The following ALDH1L1 variants were observed in gnomAD, a reference collection of about 807,000 sequenced individuals.
ALDH1L1 encodes aldehyde dehydrogenase 1 family member L1.
In ALDH1L1, 68 loss-of-function variants were observed where a neutral mutation model predicts 101.1. The ratio of observed to expected loss-of-function variants is 0.67; its 90% CI spans 0.55 to 0.82. ALDH1L1 has a LOEUF of 0.82. Ranked by LOEUF, ALDH1L1 falls within the 40% of genes least tolerant of loss-of-function variation. The probability of loss-of-function intolerance (pLI) is 0.00; values close to 1 mark genes in which losing one functional copy is unlikely to be tolerated. For missense variants in ALDH1L1, 1,087 were observed against 1,172.7 expected, an observed-to-expected ratio of 0.93 and a Z score of 1.07; for synonymous variants, 486 against 470.8, an observed-to-expected ratio of 1.03 and a Z score of -0.42.
chr3:126,122,895 G>A (rs1175116924), intron 16 of ALDH1L1, among the ~76,000 whole-genome samples: 1 of 152,124 alleles, frequency 6.6e-6, no homozygotes. Flanking sequence ...AGTACAGCAG[G>A]AGAAACAGAG....
At chr3:126,186,763 G>A (rs956176394) in intron 1 of ALDH1L1, among the ~76,000 whole-genome samples, 4 of 152,212 alleles carry the variant, frequency 2.6e-5, no homozygotes, top group African/African-American at 4.8e-5. Context: ...GTGAAGGGTG[G>A]GGAGTGGACC....
chr3:126,135,471 C>A, intron 12 of ALDH1L1, 64 bp downstream of exon 12: 1 of 1,564,006 alleles, frequency 6.4e-7, no homozygotes, highest in Non-Finnish European at 8.6e-7. Context: ...ACAGAAGTCC[C>A]CCCCGTGCCA....
At position 126,110,083 on chromosome 3, in the gene ALDH1L1, C is replaced by T. The variant is rs756342517; in HGVS notation, c.2208G>A (p.Val736=). The T allele has an allele frequency of 3.7e-6, 6 of 1,614,188 alleles. No individual in the cohort carries two copies. The highest frequency in any genetic ancestry group is 4.2e-6 in the Non-Finnish European group (5 of 1,180,018). ...CGGTGTCCCTGTCCAGCGGGTTGCC[C>T]ACCTTCATCTTCCGCACCTCTTCTA... ...RVVEEVRKMK[V]GNPLDRDTDH... The change falls in exon 20 of 23, where the codon GTG becomes GTA. Residue 736 remains valine (V), a synonymous_variant. Transcript: ENST00000393434.
intron 18 of ALDH1L1, among the ~76,000 whole-genome samples, chr3:126,113,490 A>G (rs2108189918): frequency 6.6e-6 from 1 of 152,250 alleles, no homozygotes; most frequent in African/African-American, 2.4e-5. Context: ...GACCCAGGGG[A>G]GGACGGAGAG....
At position 126,136,687 on chromosome 3, in the gene ALDH1L1, C is replaced by A; in HGVS notation, c.1344+77G>T. The A allele has an allele frequency of 1.9e-6, 3 of 1,540,528 alleles. No homozygotes were observed. In the South Asian group the frequency reaches 3.6e-5, roughly 19 times the overall value. On this transcript the variant is annotated intron_variant, in intron 11 of 22. Coordinates refer to ENST00000393434, the MANE Select transcript of ALDH1L1 (RefSeq NM_012190.4). ...CAGAGACTCTCAGGGTCAGGACCCC[C>A]AGAGGCCAGTGGGGGCAGGGAAGGA...
At chr3:126,181,445 C>A, upstream of ALDH1L1, 1 of 211,436 alleles carries the variant, frequency 4.7e-6, no homozygotes, top group Non-Finnish European at 9.9e-6. Context: ...ACACATCAGG[C>A]TTGCTGCAGC....
At chr3:126,111,777 G>A (rs1425426136) in intron 19 of ALDH1L1, among the ~76,000 whole-genome samples, 2 of 152,102 alleles carry the variant, frequency 1.3e-5, no homozygotes, top group African/African-American at 4.8e-5. Context: ...TGTTTCTCCC[G>A]CATCCCTGCC....
Position 126,134,434 on chromosome 3 carries a change from G to A in ALDH1L1, c.1472+1101C>T, listed in dbSNP as rs377220101. ...GCCAGAGGTTCTCCCGCCACCTGTC[G>A]TGCTTGTTTCACAGCTCTTCCTGAC... On this transcript the variant is annotated intron_variant, in intron 12 of 22. Coordinates refer to ENST00000393434, the MANE Select transcript of ALDH1L1 (RefSeq NM_012190.4). Among the ~76,000 whole-genome samples, 50 of 152,330 alleles carry A rather than the reference G, an allele frequency of 3.3e-4. 1 individual carries two copies. The South Asian group carries it at 8.1e-3, about 25-fold the overall frequency.
Position 126,124,391 on chromosome 3 carries a change from C to T in ALDH1L1, c.1861G>A (p.Gly621Ser), listed in dbSNP as rs759416432. 3 of 1,612,592 alleles carry T rather than the reference C, an allele frequency of 1.9e-6. No individual in the cohort carries two copies. The highest frequency in any genetic ancestry group is 2.5e-6 in the Non-Finnish European group (3 of 1,179,380). Residue 621 changes from glycine to serine, a missense_variant, in exon 16 of 23, where the codon GGT (glycine) becomes AGT (serine). Around this residue, in one of 2 missense-constraint regions of ALDH1L1, gnomAD observed 442 missense variants for 535.7 expected, o/e 0.83. Coordinates refer to ENST00000393434, the MANE Select transcript of ALDH1L1 (RefSeq NM_012190.4). Reference sequence around the variant, plus strand: ...GATCCTGGGAGGACGTTAACCACACCTTTGGGAATGCCGGCCTTTAATGTC... The same window carrying T: ...GATCCTGGGAGGACGTTAACCACACTTTTGGGAATGCCGGCCTTTAATGTC... The part of the protein sequence containing the change: ...ELTLKAGIPK[G>S]VVNVLPGSGS...
intron 1 of ALDH1L1, among the ~76,000 whole-genome samples, chr3:126,177,503 A>G (rs1273539589): frequency 6.6e-6 from 1 of 152,208 alleles, no homozygotes; most frequent in Non-Finnish European, 1.5e-5. Flanking sequence ...GACATTCTGG[A>G]AAAGGCAAAA....
chr3:126,135,410 T>G, intron 12 of ALDH1L1, 125 bp downstream of exon 12: 3 of 1,364,928 alleles, frequency 2.2e-6, no homozygotes, highest in Non-Finnish European at 2.9e-6. Flanking sequence ...ATGGCCTCGG[T>G]CCCATAGCCT....
chr3:126,114,932 C>T, intron 17 of ALDH1L1: 1 of 523,612 alleles, frequency 1.9e-6, no homozygotes, highest in Non-Finnish European at 3.7e-6. Flanking sequence ...GCCTGTGTTC[C>T]CTTCTCTGGG....
chr3:126,136,705 G>C, intron 11 of ALDH1L1, 59 bp downstream of exon 11: 1 of 1,549,294 alleles, frequency 6.5e-7, no homozygotes, highest in Non-Finnish European at 8.7e-7. Context: ...AGTGGGGGCA[G>C]GGAAGGAAGG....
intron 6 of ALDH1L1, among the ~76,000 whole-genome samples, chr3:126,154,229 G>C (rs1172943472): frequency 2.0e-5 from 3 of 152,238 alleles, no homozygotes. Flanking sequence ...CTGAGGCCAA[G>C]TCAGAGTGAG....
Position 126,137,843 on chromosome 3 carries a change from G to A in ALDH1L1, c.1194C>T (p.Asp398=), listed in dbSNP as rs944534006. 1.1e-5 allele frequency: 18 copies of A among 1,614,006 alleles called. No homozygotes were observed. Among genetic ancestry groups the A allele is most frequent in the East Asian group, 2.2e-5 (1 of 44,894 alleles). ...CAATGCTGCACTCGCCCTCCTCATC[G>A]TCCCCTCGCAGCTTCCTCACTAACA... ...IQLLVRKLRG[D]DEEGECSIDY... is the part of the protein sequence containing the mutation. The change falls in exon 10 of 23, where the codon GAC becomes GAT. Residue 398 remains aspartate, a synonymous_variant. Transcript: ENST00000393434.
At chr3:126,162,386 T>A (rs1215228737) in intron 1 of ALDH1L1, among the ~76,000 whole-genome samples, 1 of 152,266 alleles carries the variant, frequency 6.6e-6, no homozygotes, top group Non-Finnish European at 1.5e-5. Flanking sequence ...TACAGCTGTC[T>A]CATTGGGGTT....
intron 9 of ALDH1L1, among the ~76,000 whole-genome samples, chr3:126,140,128 T>C (rs7639947): frequency 0.22 from 34,106 of 152,044 alleles, 4,682 homozygotes; most frequent in African/African-American, 0.39. Context: ...TTGTTGAAAT[T>C]CAGAGACAAA....
chr3:126,126,697 A>G (rs1445633555), intron 14 of ALDH1L1, among the ~76,000 whole-genome samples: 1 of 152,178 alleles, frequency 6.6e-6, no homozygotes, highest in South Asian at 2.1e-4. Flanking sequence ...TCGGAAAAGA[A>G]AACACATCAG....
intron 1 of ALDH1L1, among the ~76,000 whole-genome samples, chr3:126,179,083 C>T (rs2081421718): frequency 6.6e-6 from 1 of 152,236 alleles, no homozygotes; most frequent in Admixed American, 6.5e-5. Context: ...CAGGCTTGCC[C>T]TTTGGCCCCA....
Sources: allele counts gnomAD v4.1 joint callset (sites outside exome capture counted in the v4.1 genomes callset), GRCh38; gene constraint gnomAD v4.1.1; regional missense constraint gnomAD v4.1.1; transcripts MANE v1.5; gene names NCBI Gene and HGNC (gene_info 2026-07-23, HGNC 2026-07-21).